The following NLRX1 variants were observed in gnomAD, a reference collection of about 807,000 sequenced individuals.
The protein encoded by NLRX1 is NLR family member X1, also known as NOD-like receptor X1.
NLRX1 carries 67 observed loss-of-function variants against 74.2 expected under a neutral mutation model. The observed-to-expected ratio is 0.90, with a 90% CI of 0.74 to 1.11. The LOEUF (loss-of-function observed/expected upper bound fraction) is 1.11. Ranked by LOEUF, NLRX1 falls within the 50% of genes least tolerant of loss-of-function variation. The probability of loss-of-function intolerance (pLI) is 0.00; values close to 1 mark genes in which losing one functional copy is unlikely to be tolerated. For synonymous variants in NLRX1, 506 were observed against 559.1 expected (o/e 0.91, Z 1.34); for missense variants, 1,191 against 1,305.4 (o/e 0.91, Z 1.35).
At position 119,171,260 on chromosome 11, in the gene NLRX1, C is replaced by T. The variant is rs185145785; in HGVS notation, c.-48-96C>T. 225 of 762,548 alleles carry T rather than the reference C, an allele frequency of 3.0e-4. 1 individual carries two copies. In the African/African-American group the frequency reaches 3.6e-3, roughly 12 times the overall value. 47.2% of individuals were successfully genotyped at this position (762,548 alleles called of 1,614,324 possible). A position where few individuals can be genotyped will look rare whatever the true frequency, so the allele number is the denominator to read the frequency against. On this transcript the variant is annotated intron_variant, in intron 1 of 9. Transcript: ENST00000409109. ...GCCAACATTTGAGGAAGGGCTGATC[C>T]TCTCCTGGGAGGAAGGTCCCTCCTT... is the stretch of plus-strand genomic sequence containing the variant.
intron 9 of NLRX1, among the ~76,000 whole-genome samples, chr11:119,182,889 AAAAAAC>A (rs578006710): frequency 1.2e-3 from 182 of 151,660 alleles, no homozygotes; most frequent in African/African-American, 3.7e-3. Context: ...TCCATCTCAA[AAAAAAC>A]AAAAACAAAA....
In NLRX1 at chr11:119,173,629, C is replaced by G; in HGVS notation, c.380C>G (p.Pro127Arg). 1.2e-6 allele frequency: 2 copies of G among 1,614,126 alleles called. No individual in the cohort carries two copies. Among genetic ancestry groups the G allele is most frequent in the Non-Finnish European group, 8.5e-7 (1 of 1,180,036 alleles). Residue 127 changes from proline to arginine, a missense_variant, in exon 5 of 10, where the codon CCC (proline) becomes CGC (arginine). Coordinates refer to ENST00000409109, the MANE Select transcript of NLRX1 (RefSeq NM_001282144.2). This position sits in a 1 kb window ranked among gnomAD's most constrained non-coding sequence, Gnocchi z 4.0. ...ESTPDELLRPPAELALEHQPP... is the reference protein window; with the variant it reads ...ESTPDELLRPRAELALEHQPP... Reference sequence around the variant, plus strand: ...ACCCCTGATGAGCTACTTCGCCCACCCGCGGAGCTGGCCCTGGAGCATCAG... The same window carrying G: ...ACCCCTGATGAGCTACTTCGCCCACGCGCGGAGCTGGCCCTGGAGCATCAG...
In NLRX1 at chr11:119,183,687, A is replaced by G; in HGVS notation, c.*248A>G. ...GAACATGCCTCCTCTCCATTCAGCT[A>G]GAAGGACCAAAGCATGTGGCATTTG... On this transcript the variant is annotated 3_prime_UTR_variant, in exon 10 of 10. Transcript: ENST00000409109. This position sits in a 1 kb window ranked among gnomAD's most constrained non-coding sequence, Gnocchi z 5.7. 2 of 750,432 alleles carry G rather than the reference A, an allele frequency of 2.7e-6. No homozygotes were observed. Among genetic ancestry groups the G allele is most frequent in the South Asian group, 2.8e-5 (2 of 71,076 alleles). 46.5% of individuals were successfully genotyped at this position (750,432 alleles called of 1,614,324 possible). A position where few individuals can be genotyped will look rare whatever the true frequency, so the allele number is the denominator to read the frequency against.
chr11:119,174,039 G>A lies in NLRX1; in HGVS notation c.790G>A (p.Glu264Lys), dbSNP rs775343379. Residue 264 changes from glutamate to lysine, a missense_variant, in exon 5 of 10, where the codon GAA becomes AAA. Glu to Lys is a moderately conservative substitution (Grantham distance 56, BLOSUM62 1). Transcript: ENST00000409109. ...AGTGLCSDPE[E>K]PQEPAAIIVN... Reference sequence around the variant, plus strand: ...CACGGGACTTTGTAGTGACCCGGAGGAACCGCAGGAACCAGCTGCTATCAT... The same window carrying A: ...CACGGGACTTTGTAGTGACCCGGAGAAACCGCAGGAACCAGCTGCTATCAT... 6.2e-6 allele frequency: 10 copies of A among 1,614,064 alleles called. No individual in the cohort carries two copies. In the East Asian group the frequency reaches 2.2e-4, roughly 36 times the overall value.
chr11:119,183,534 C>A lies in NLRX1; in HGVS notation c.*95C>A, dbSNP rs1948905379. 3 of 1,249,076 alleles carry A rather than the reference C, an allele frequency of 2.4e-6. No homozygotes were observed. The highest frequency in any genetic ancestry group is 2.0e-5 in the Admixed American group (1 of 49,598). 77.4% of individuals were successfully genotyped at this position (1,249,076 alleles called of 1,614,324 possible). ...TTGCACTGCTCCCTCTAGAAAGATT[C>A]CTTCAGGTCTGGAGGCAGAGGAATG... On this transcript the variant is annotated 3_prime_UTR_variant, in exon 10 of 10. Transcript: ENST00000409109. This position sits in a 1 kb window ranked among gnomAD's most constrained non-coding sequence, Gnocchi z 5.7.
chr11:119,172,764 TA>T, intron 3 of NLRX1, 136 bp from the exon 4 acceptor site: 1 of 694,316 alleles, frequency 1.4e-6, no homozygotes, highest in Admixed American at 2.2e-5. Flanking sequence ...GACAAGCCTC[TA>T]AACTTGGGGG....
chr11:119,175,232 G>A lies in NLRX1; in HGVS notation c.1629G>A (p.Leu543=). The change falls in exon 6 of 10, where the codon CTG becomes CTA. Residue 543 remains leucine (L), a synonymous_variant. Coordinates refer to ENST00000409109, the MANE Select transcript of NLRX1 (RefSeq NM_001282144.2). The part of the protein sequence containing the change: ...VSLVLGIMAK[L]LPLRALPLLF... ...TGGTACTGGGCATCATGGCCAAGCT[G>A]CTGCCTCTGCGGGCTCTGCCTCTGC... 1 of 1,614,138 alleles carries A rather than the reference G, an allele frequency of 6.2e-7. No individual in the cohort carries two copies. Among genetic ancestry groups the A allele is most frequent in the Non-Finnish European group, 8.5e-7 (1 of 1,180,026 alleles).
chr11:119,174,849 C>T lies in NLRX1; in HGVS notation c.1246C>T (p.Pro416Ser). 1 of 1,614,072 alleles carries T rather than the reference C, an allele frequency of 6.2e-7. No individual in the cohort carries two copies. Among genetic ancestry groups the T allele is most frequent in the South Asian group, 1.1e-5 (1 of 91,084 alleles). The stretch of plus-strand genomic sequence containing the variant: ...CGGGGAAACCCTGGACAGCACTGAC[C>T]CCTCCAATTTGTCCCTGATGGCCTA... ...FSGETLDSTD[P>S]SNLSLMAYAA... The change falls in exon 6 of 10, where the codon CCC becomes TCC. Residue 416 changes from proline (P) to serine (S), a missense_variant. Transcript: ENST00000409109.
chr11:119,181,310 G>A, intron 8 of NLRX1, 53 bp downstream of exon 8: 1 of 1,390,148 alleles, frequency 7.2e-7, no homozygotes, highest in South Asian at 1.2e-5. Context: ...TCAAGGGTGA[G>A]CTCCCTGCTT....
intron 1 of NLRX1, among the ~76,000 whole-genome samples, chr11:119,171,150 A>AT (rs1948535962): frequency 6.6e-6 from 1 of 152,190 alleles, no homozygotes; most frequent in South Asian, 2.1e-4. Flanking sequence ...AAGAAAAAAA[A>AT]GGTGGTAGGA....
chr11:119,174,633 C>T lies in NLRX1; in HGVS notation c.1030C>T (p.Pro344Ser), dbSNP rs1480614885. 11 of 1,614,106 alleles carry T rather than the reference C, an allele frequency of 6.8e-6. No homozygotes were observed. In the South Asian group the frequency reaches 1.1e-4, roughly 16 times the overall value. The change falls in exon 6 of 10, where the codon CCA becomes TCA. Residue 344 changes from proline to serine, a missense_variant. By Grantham distance (74) the Pro-to-Ser change is moderately conservative. Coordinates refer to ENST00000409109, the MANE Select transcript of NLRX1 (RefSeq NM_001282144.2). ...TGGCGGTTCAGGTGTCTCTGCCACA[C>T]CAGCTCAGCGTGACCACCTGGTGCA... ...AVGGSGVSATPAQRDHLVQML... is the reference protein window; with the variant it reads ...AVGGSGVSATSAQRDHLVQML...
Position 119,183,243 on chromosome 11 carries a change from C to T in NLRX1, c.2732C>T (p.Ser911Leu). The T allele has an allele frequency of 6.2e-7, 1 of 1,614,206 alleles. No homozygotes were observed. Among genetic ancestry groups the T allele is most frequent in the Non-Finnish European group, 8.5e-7 (1 of 1,180,042 alleles). The stretch of plus-strand genomic sequence containing the variant: ...GGGACGGCGGTGTCAGAATACTGGT[C>T]AGTGATCCTCAGTGAAGTCCAGCGG... Reference protein sequence around the residue: ...TEGTAVSEYWSVILSEVQRNL... With the variant: ...TEGTAVSEYWLVILSEVQRNL... Residue 911 changes from serine (S) to leucine (L), a missense_variant, in exon 10 of 10, where the codon TCA becomes TTA. Physicochemically the swap from Ser to Leu is moderately radical, Grantham distance 145. Transcript: ENST00000409109. This position sits in a 1 kb window ranked among gnomAD's most constrained non-coding sequence, Gnocchi z 5.7.
intron 8 of NLRX1, 63 bp downstream of exon 8, chr11:119,181,320 T>C (rs540122542): frequency 7.6e-7 from 1 of 1,311,350 alleles, no homozygotes; most frequent in African/African-American, 1.4e-5. Flanking sequence ...GCTCCCTGCT[T>C]CCTGACATAC....
chr11:119,178,426 G>C (rs1948749798), intron 6 of NLRX1, among the ~76,000 whole-genome samples: 1 of 152,194 alleles, frequency 6.6e-6, no homozygotes, highest in Non-Finnish European at 1.5e-5. Context: ...AGCCCTTTCT[G>C]ATCTAGTCTG....
chr11:119,174,184 A>G, intron 5 of NLRX1, 86 bp downstream of exon 5: 3 of 1,509,292 alleles, frequency 2.0e-6, no homozygotes, highest in Non-Finnish European at 2.7e-6. Flanking sequence ...TGGTCCCTTC[A>G]CTTCCCAGTG....
At chr11:119,169,443 C>T (rs1025898774) in intron 1 of NLRX1, 141 bp downstream of exon 1, 3 of 152,356 alleles carry the variant, frequency 2.0e-5, no homozygotes, top group African/African-American at 7.2e-5. Context: ...TAGGCTTTCT[C>T]AGGCTTCTGG....
chr11:119,172,166 C>T (rs748508125), intron 2 of NLRX1, among the ~76,000 whole-genome samples, 190 bp from the exon 3 acceptor site: 2 of 152,176 alleles, frequency 1.3e-5, no homozygotes, highest in African/African-American at 2.4e-5. Context: ...CAAATGTGAT[C>T]CCTCTCATGG....
rs1481107583 is a variant in NLRX1 at position 119,183,899 on chromosome 11, T to C, written c.*460T>C. 1.3e-6 allele frequency: 1 copy of C among 780,712 alleles called. No homozygotes were observed. Among genetic ancestry groups the C allele is most frequent in the Non-Finnish European group, 2.4e-6 (1 of 417,962 alleles). 48.4% of individuals were successfully genotyped at this position (780,712 alleles called of 1,614,324 possible). A position where few individuals can be genotyped will look rare whatever the true frequency, so the allele number is the denominator to read the frequency against. ...TGTGGACACCGAGGATGCCCTCACA[T>C]TGGTGCTTTCTCCTCATCCTCATGC... On this transcript the variant is annotated 3_prime_UTR_variant, in exon 10 of 10. Transcript: ENST00000409109. The surrounding 1 kb of genome is among the most constrained non-coding windows in gnomAD (Gnocchi z 5.7).
At chr11:119,182,930 A>G (rs1302141638) in intron 9 of NLRX1, among the ~76,000 whole-genome samples, 188 bp from the exon 10 acceptor site, 1 of 151,890 alleles carries the variant, frequency 6.6e-6, no homozygotes, top group African/African-American at 2.4e-5. Flanking sequence ...AAAAAAAAAA[A>G]AGAATTTTAG....
Sources: allele counts gnomAD v4.1 joint callset (sites outside exome capture counted in the v4.1 genomes callset), GRCh38; gene constraint gnomAD v4.1.1; non-coding constraint Gnocchi (gnomAD v3.1); transcripts MANE v1.5; gene names NCBI Gene and HGNC (gene_info 2026-07-23, HGNC 2026-07-21).